Variants in EGLN1 observed in about 807,000 individuals in gnomAD.
EGLN1 encodes the protein egl-9 family hypoxia inducible factor 1.
Under a neutral mutation model 38.3 loss-of-function variants are expected in EGLN1, and 17 were observed. The ratio of observed to expected loss-of-function variants is 0.44; its 90% CI spans 0.30 to 0.67. The LOEUF is 0.67. Ranked by LOEUF, EGLN1 falls within the 30% of genes least tolerant of loss-of-function variation. The probability of loss-of-function intolerance (pLI) is 0.08; values close to 1 mark genes in which losing one functional copy is unlikely to be tolerated. For synonymous variants in EGLN1, 283 were observed against 257.5 expected, an observed-to-expected ratio of 1.10 and a Z score of -0.95; for missense variants, 477 against 603.3, an observed-to-expected ratio of 0.79 and a Z score of 2.19.
rs1177654929 is a variant in EGLN1 at position 231,421,903 on chromosome 1, C to T, written c.-15G>A. 7.2e-7 allele frequency: 1 copy of T among 1,397,786 alleles called. No homozygotes were observed. Among genetic ancestry groups the T allele is most frequent in the Admixed American group, 3.5e-5 (1 of 28,456 alleles). The allele number at this position is 1,397,786 out of a possible 1,614,324, so 86.6% of individuals were successfully genotyped here. The stretch of plus-strand genomic sequence containing the variant: ...TCATTGGCCATGGCGGCGGCGGCGG[C>T]GGCGACGGCGACTGCGGCGGCCGAG... On this transcript the variant is annotated 5_prime_UTR_variant, in exon 1 of 5. Coordinates refer to ENST00000366641, the MANE Select transcript of EGLN1 (RefSeq NM_022051.3). This position sits in a 1 kb window ranked among gnomAD's most constrained non-coding sequence, Gnocchi z 5.5.
chr1:231,387,787 T>C (rs1688259047), intron 1 of EGLN1, among the ~76,000 whole-genome samples: 1 of 152,192 alleles, frequency 6.6e-6, no homozygotes, highest in African/African-American at 2.4e-5. Flanking sequence ...TCAATATCTG[T>C]CAGGCATACT....
intron 1 of EGLN1, among the ~76,000 whole-genome samples, chr1:231,377,695 T>C (rs1245015861): frequency 5.9e-5 from 9 of 152,098 alleles, no homozygotes. Flanking sequence ...CGGGGATCTG[T>C]TTGTATTATT....
chr1:231,410,577 A>G (rs908022313), intron 1 of EGLN1, among the ~76,000 whole-genome samples: 1 of 152,202 alleles, frequency 6.6e-6, no homozygotes, highest in African/African-American at 2.4e-5. Flanking sequence ...TCTGTTATGT[A>G]GCAATAAATG....
chr1:231,406,048 T>G (rs75794657), intron 1 of EGLN1, among the ~76,000 whole-genome samples: 1 of 137,660 alleles, frequency 7.3e-6, no homozygotes, highest in Non-Finnish European at 1.6e-5. Context: ...TTTTTTTTTT[T>G]AATTCAGGTA....
intron 1 of EGLN1, among the ~76,000 whole-genome samples, chr1:231,413,436 A>G (rs1689002502): frequency 6.6e-6 from 1 of 152,160 alleles, no homozygotes; most frequent in Admixed American, 6.5e-5. Context: ...CTCCTCTTCC[A>G]CATATCCACA....
intron 1 of EGLN1, among the ~76,000 whole-genome samples, chr1:231,394,430 G>A (rs1688467036): frequency 6.6e-6 from 1 of 150,746 alleles, no homozygotes; most frequent in South Asian, 2.1e-4. Flanking sequence ...CCAGGTTGGA[G>A]TGCAGTGGCG....
At chr1:231,377,129 C>T (rs533283634) in intron 1 of EGLN1, among the ~76,000 whole-genome samples, 5 of 152,342 alleles carry the variant, frequency 3.3e-5, no homozygotes, top group African/African-American at 1.2e-4. Flanking sequence ...TACCACCTAA[C>T]ATTTATGGGA....
chr1:231,395,350 G>A (rs1342536782), intron 1 of EGLN1, among the ~76,000 whole-genome samples: 1 of 152,182 alleles, frequency 6.6e-6, no homozygotes. Flanking sequence ...CAGTGATCTT[G>A]CAGGGTAAAC....
At chr1:231,385,545 G>A (rs924507769) in intron 1 of EGLN1, among the ~76,000 whole-genome samples, 3 of 152,198 alleles carry the variant, frequency 2.0e-5, no homozygotes, top group Non-Finnish European at 4.4e-5. Context: ...GCAAACAAGG[G>A]TGAACCTGAC....
rs776011089 is a variant in EGLN1, at chr1:231,420,986, GCA to G, written c.891+10_891+11del. On this transcript the variant is annotated intron_variant, in intron 1 of 4. Transcript: ENST00000366641. ...AGGGCCTGTCCAGCACAAACCCGCA[GCA>G]CACACTTACTTTCGTCCGGCCATTG... The G allele has an allele frequency of 1.2e-6, 2 of 1,613,812 alleles. No homozygotes were observed. Among genetic ancestry groups the G allele is most frequent in the African/African-American group, 2.7e-5 (2 of 74,852 alleles).
At chr1:231,368,777 A>C (rs1021036282) in intron 3 of EGLN1, among the ~76,000 whole-genome samples, 7 of 152,208 alleles carry the variant, frequency 4.6e-5, no homozygotes, top group Non-Finnish European at 8.8e-5. Context: ...AGAGTCTGGG[A>C]GTTTGGACAA....
At chr1:231,414,207 G>A (rs948222054) in intron 1 of EGLN1, among the ~76,000 whole-genome samples, 2 of 152,028 alleles carry the variant, frequency 1.3e-5, no homozygotes, top group African/African-American at 4.8e-5. Flanking sequence ...AAAAGAAGGT[G>A]GAATGTAAGC....
intron 1 of EGLN1, among the ~76,000 whole-genome samples, chr1:231,380,469 T>C (rs961016305): frequency 2.0e-5 from 3 of 148,732 alleles, no homozygotes; most frequent in African/African-American, 4.9e-5. Flanking sequence ...GATAGGTATA[T>C]ATATATTTTA....
At chr1:231,388,786 C>CT (rs760549872) in intron 1 of EGLN1, among the ~76,000 whole-genome samples, 26 of 152,114 alleles carry the variant, frequency 1.7e-4, no homozygotes, top group Non-Finnish European at 3.1e-4. Flanking sequence ...TCCCAAGCAG[C>CT]TGGGACTACA....
intron 1 of EGLN1, among the ~76,000 whole-genome samples, chr1:231,390,867 T>G (rs78710712): frequency 7.0e-6 from 1 of 143,596 alleles, no homozygotes; most frequent in Non-Finnish European, 1.6e-5. Flanking sequence ...TTTTTTTTTT[T>G]AAGAGACAAG....
At chr1:231,404,749 A>T (rs1688746362) in intron 1 of EGLN1, among the ~76,000 whole-genome samples, 1 of 151,964 alleles carries the variant, frequency 6.6e-6, no homozygotes, top group Admixed American at 6.5e-5. Context: ...AATATAGCTT[A>T]AATAATTAAA....
At position 231,364,186 on chromosome 1, in the gene EGLN1, C is replaced by T. The variant is rs1280734447; in HGVS notation, c.*2225G>A. On this transcript the variant is annotated 3_prime_UTR_variant, in exon 5 of 5. Coordinates refer to ENST00000366641, the MANE Select transcript of EGLN1 (RefSeq NM_022051.3). ...AGACCTGTCTGGCAAGCACAACCCA[C>T]AGATAGTAGAATCTAATACTTTTTA... 6.6e-6 allele frequency: 1 copy of T among 152,202 alleles called. No homozygotes were observed. The allele number at this position is 152,202 out of a possible 1,614,324, so 9.4% of individuals were successfully genotyped here.
chr1:231,403,675 C>T (rs1204634049), intron 1 of EGLN1, among the ~76,000 whole-genome samples: 1 of 143,482 alleles, frequency 7.0e-6, no homozygotes, highest in Non-Finnish European at 1.5e-5. Flanking sequence ...ACTTGGGAGG[C>T]TGAGGCAGGA....
chr1:231,409,615 A>G (rs1688883363), intron 1 of EGLN1, among the ~76,000 whole-genome samples: 1 of 152,212 alleles, frequency 6.6e-6, no homozygotes, highest in East Asian at 1.9e-4. Context: ...AGTTTGCAAT[A>G]CTTCCAGAAA....
Sources: gnomAD v4.1 joint callset for allele counts (sites outside exome capture counted in the v4.1 genomes callset) on GRCh38, gnomAD v4.1.1 for gene constraint, Gnocchi (gnomAD v3.1) non-coding constraint, MANE v1.5 for transcripts, NCBI Gene and HGNC (gene_info 2026-07-23, HGNC 2026-07-21) for gene names.